CYP7B1: variants seen among roughly 807,000 people sequenced by gnomAD.
The protein encoded by CYP7B1 is cytochrome P450 7B1.
In CYP7B1, 29 loss-of-function variants were observed where a neutral mutation model predicts 42.7. That is an observed-to-expected ratio of 0.68 (90% CI 0.51 to 0.93). CYP7B1 has a LOEUF of 0.93. Among genes scored for constraint, CYP7B1 ranks in the 40% least tolerant of loss-of-function variants. CYP7B1 has a pLI of 0.00. For synonymous variants in CYP7B1, 235 were observed against 218.2 expected (o/e 1.08, Z -0.68); for missense variants, 655 against 600.5 (o/e 1.09, Z -0.95).
At chr8:64,755,595 T>G (rs1807796520) in intron 1 of CYP7B1, among the ~76,000 whole-genome samples, 1 of 152,014 alleles carries the variant, frequency 6.6e-6, no homozygotes, top group African/African-American at 2.4e-5. Flanking sequence ...ATTTTTATAT[T>G]TTTAGTAGAG....
intron 1 of CYP7B1, among the ~76,000 whole-genome samples, chr8:64,640,488 C>A (rs1182701567): frequency 6.6e-6 from 1 of 152,046 alleles, no homozygotes; most frequent in Non-Finnish European, 1.5e-5. Flanking sequence ...AATTTTTGTA[C>A]CATATCTGTA....
chr8:64,726,213 A>T (rs1025361185), intron 1 of CYP7B1, among the ~76,000 whole-genome samples: 1 of 152,118 alleles, frequency 6.6e-6, no homozygotes, highest in African/African-American at 2.4e-5. Context: ...TTTATTCCCA[A>T]ACGTTTTCTT....
chr8:64,692,140 T>C (rs1806755554), intron 1 of CYP7B1, among the ~76,000 whole-genome samples: 1 of 152,208 alleles, frequency 6.6e-6, no homozygotes, highest in African/African-American at 2.4e-5. Context: ...CCACTGTCGA[T>C]TGCTCTGATT....
At chr8:64,741,583 G>C (rs925031110) in intron 1 of CYP7B1, among the ~76,000 whole-genome samples, 1 of 152,154 alleles carries the variant, frequency 6.6e-6, no homozygotes, top group African/African-American at 2.4e-5. Context: ...CTCCCATAGC[G>C]CTGGGATTAC....
intron 1 of CYP7B1, among the ~76,000 whole-genome samples, chr8:64,682,286 G>A (rs1183248581): frequency 6.6e-6 from 1 of 152,208 alleles, no homozygotes; most frequent in Non-Finnish European, 1.5e-5. Context: ...GAGGTGGGAT[G>A]AAGCCAGGTT....
chr8:64,778,869 C>T (rs2129667334), intron 1 of CYP7B1, among the ~76,000 whole-genome samples: 1 of 152,186 alleles, frequency 6.6e-6, no homozygotes, highest in African/African-American at 2.4e-5. Flanking sequence ...TCTACTAAGC[C>T]AGTAAGCAAG....
In CYP7B1 at chr8:64,798,710, G is replaced by A; in HGVS notation, c.-123C>T. 4.5e-6 allele frequency: 5 copies of A among 1,116,656 alleles called. No individual in the cohort carries two copies. Among genetic ancestry groups the A allele is most frequent in the African/African-American group, 1.7e-5 (1 of 59,978 alleles). The allele number at this position is 1,116,656 out of a possible 1,614,324, so 69.2% of individuals were successfully genotyped here. ...CCCTAGTCCAGGGCCGGAGAGGCTGGCCTGCCCGCAGCGCAGACAGGAATG... is the reference window on the plus strand; with the variant it reads ...CCCTAGTCCAGGGCCGGAGAGGCTGACCTGCCCGCAGCGCAGACAGGAATG... On this transcript the variant is annotated 5_prime_UTR_variant, in exon 1 of 6. Coordinates refer to ENST00000310193, the MANE Select transcript of CYP7B1 (RefSeq NM_004820.5).
At chr8:64,725,336 C>T (rs778769282) in intron 1 of CYP7B1, among the ~76,000 whole-genome samples, 16 of 152,234 alleles carry the variant, frequency 1.1e-4, no homozygotes, top group Non-Finnish European at 1.9e-4. Flanking sequence ...AAAGGTGTCA[C>T]ACCCTGTCCA....
intron 1 of CYP7B1, among the ~76,000 whole-genome samples, chr8:64,750,476 T>A (rs1807710729): frequency 6.6e-6 from 1 of 152,220 alleles, no homozygotes; most frequent in Non-Finnish European, 1.5e-5. Context: ...AAAAATTAAG[T>A]TGCAAAGAAG....
At chr8:64,785,025 C>G (rs1339686519) in intron 1 of CYP7B1, among the ~76,000 whole-genome samples, 1 of 152,064 alleles carries the variant, frequency 6.6e-6, no homozygotes. Flanking sequence ...AAGAAAACAA[C>G]CTAATTTTTT....
At chr8:64,633,806 G>A (rs1427248721) in intron 1 of CYP7B1, among the ~76,000 whole-genome samples, 2 of 152,132 alleles carry the variant, frequency 1.3e-5, no homozygotes, top group Non-Finnish European at 2.9e-5. Flanking sequence ...CAATATTGAA[G>A]GAGAAGAACA....
At chr8:64,722,950 C>T (rs565515055) in intron 1 of CYP7B1, among the ~76,000 whole-genome samples, 1 of 151,970 alleles carries the variant, frequency 6.6e-6, no homozygotes, top group South Asian at 2.1e-4. Flanking sequence ...ATCTGTAGCT[C>T]ATTAAAATAA....
chr8:64,617,508 T>A (rs1289409920), intron 2 of CYP7B1, among the ~76,000 whole-genome samples: 1 of 152,196 alleles, frequency 6.6e-6, no homozygotes, highest in Admixed American at 6.5e-5. Context: ...TTCTTTGTCT[T>A]CTCACTAGAG....
At chr8:64,630,894 G>C (rs1805685677) in intron 1 of CYP7B1, among the ~76,000 whole-genome samples, 1 of 152,212 alleles carries the variant, frequency 6.6e-6, no homozygotes, top group African/African-American at 2.4e-5. Flanking sequence ...GAAAGAGAAA[G>C]AAGAAAAGAA....
rs1324422892 is a variant in CYP7B1, at chr8:64,595,979, A to T, written c.*663T>A. Among the ~76,000 whole-genome samples, 2 of 152,210 alleles carry T rather than the reference A, an allele frequency of 1.3e-5. No homozygotes were observed. Among genetic ancestry groups the T allele is most frequent in the Non-Finnish European group, 1.5e-5 (1 of 68,028 alleles). On this transcript the variant is annotated 3_prime_UTR_variant, in exon 6 of 6. Coordinates refer to ENST00000310193, the MANE Select transcript of CYP7B1 (RefSeq NM_004820.5). ...ATACATTAAATCTTATCAGTATCTA[A>T]CTTGAACATGAAAGGTCTTATGTAA... is the stretch of plus-strand genomic sequence containing the variant.
chr8:64,681,660 G>T (rs745343261), intron 1 of CYP7B1, among the ~76,000 whole-genome samples: 4 of 152,170 alleles, frequency 2.6e-5, no homozygotes, highest in Non-Finnish European at 4.4e-5. Flanking sequence ...TCTGGCCCAT[G>T]ACCAGCAAGG....
intron 1 of CYP7B1, among the ~76,000 whole-genome samples, chr8:64,717,930 T>A (rs933730134): frequency 6.6e-6 from 1 of 151,872 alleles, no homozygotes; most frequent in Non-Finnish European, 1.5e-5. Context: ...AATATAAGAC[T>A]ATTATATCTA....
intron 1 of CYP7B1, among the ~76,000 whole-genome samples, chr8:64,764,987 A>C (rs1223746863): frequency 6.6e-6 from 1 of 152,116 alleles, no homozygotes; most frequent in African/African-American, 2.4e-5. Context: ...AAAAAAAAAA[A>C]AAAACACAAT....
intron 1 of CYP7B1, among the ~76,000 whole-genome samples, chr8:64,722,795 C>G (rs1283707747): frequency 7.6e-6 from 1 of 131,156 alleles, no homozygotes; most frequent in Non-Finnish European, 1.6e-5. Context: ...TTGCCTTAAT[C>G]CTCTCATTTG....
Sources: gnomAD v4.1 joint callset for allele counts (sites outside exome capture counted in the v4.1 genomes callset) on GRCh38, gnomAD v4.1.1 for gene constraint, MANE v1.5 for transcripts, NCBI Gene and HGNC (gene_info 2026-07-23, HGNC 2026-07-21) for gene names.